The following MAST1 variants were observed in gnomAD, a reference collection of about 807,000 sequenced individuals.
The protein encoded by MAST1 is microtubule associated serine/threonine kinase 1.
In MAST1, 40 loss-of-function variants were observed where a neutral mutation model predicts 124.6. The ratio of observed to expected loss-of-function variants is 0.32; its 90% CI spans 0.25 to 0.42. The LOEUF (loss-of-function observed/expected upper bound fraction) is 0.42. Among genes scored for constraint, MAST1 ranks in the 10% least tolerant of loss-of-function variants. The pLI is 1.00. For synonymous variants in MAST1, 938 were observed against 939.4 expected, an observed-to-expected ratio of 1.00 and a Z score of 0.03; for missense variants, 1,558 against 2,181.9, an observed-to-expected ratio of 0.71 and a Z score of 5.70.
At position 12,874,674 on chromosome 19, in the gene MAST1, A is replaced by G; in HGVS notation, c.4517A>G (p.Glu1506Gly). The G allele has an allele frequency of 1.9e-6, 3 of 1,543,598 alleles. No individual in the cohort carries two copies. Among genetic ancestry groups the G allele is most frequent in the Non-Finnish European group, 2.6e-6 (3 of 1,141,098 alleles). Residue 1506 changes from glutamate to glycine, a missense_variant, in exon 26 of 26, where the codon GAG becomes GGG. Coordinates refer to ENST00000251472, the MANE Select transcript of MAST1 (RefSeq NM_014975.3). The surrounding 1 kb of genome is among the most constrained non-coding windows in gnomAD (Gnocchi z 6.6). ...CCCGCCTCCCCAAAGCTCTCCCCGGAGCCCCAGACACCCTCCCTAGCCCCA... is the reference window on the plus strand; with the variant it reads ...CCCGCCTCCCCAAAGCTCTCCCCGGGGCCCCAGACACCCTCCCTAGCCCCA... ...SKPASPKLSP[E>G]PQTPSLAPAK...
At chr19:12,862,247 C>T (rs1970093211) in intron 12 of MAST1, among the ~76,000 whole-genome samples, 1 of 152,050 alleles carries the variant, frequency 6.6e-6, no homozygotes, top group Non-Finnish European at 1.5e-5. Flanking sequence ...TTAAATGATC[C>T]ATCAGTCTCG....
chr19:12,840,841 G>T, intron 2 of MAST1, 150 bp from the exon 3 acceptor site: 1 of 768,586 alleles, frequency 1.3e-6, no homozygotes, highest in South Asian at 1.4e-5. Context: ...ACTCGGCAAC[G>T]AAAAAATTTA....
In MAST1 at chr19:12,838,593, C is replaced by T. The variant is rs1355103426; in HGVS notation, c.21C>T (p.Thr7=). Residue 7 remains threonine (T), a synonymous_variant, in exon 1 of 26, where the codon ACC becomes ACT. Transcript: ENST00000251472. The surrounding 1 kb of genome is among the most constrained non-coding windows in gnomAD (Gnocchi z 4.3). MSDSLW[T]ALSNFSMPSF... ...GGGTCATGTCTGACTCTCTCTGGAC[C>T]GCGCTTTCTAATTTCTCGATGCCCT... is the stretch of plus-strand genomic sequence containing the variant. 2 of 1,609,650 alleles carry T rather than the reference C, an allele frequency of 1.2e-6. No homozygotes were observed. Among genetic ancestry groups the T allele is most frequent in the African/African-American group, 1.3e-5 (1 of 74,324 alleles).
At chr19:12,868,244 G>T (rs148405615) in intron 20 of MAST1, among the ~76,000 whole-genome samples, 128 of 151,348 alleles carry the variant, frequency 8.5e-4, no homozygotes, top group Middle Eastern at 3.4e-3. Flanking sequence ...GAGTAGCTGG[G>T]ATTACAGGCG....
At position 12,874,904 on chromosome 19, in the gene MAST1, T is replaced by A. The variant is rs1445718509; in HGVS notation, c.*34T>A. 2 of 1,562,904 alleles carry A rather than the reference T, an allele frequency of 1.3e-6. No individual in the cohort carries two copies. Among genetic ancestry groups the A allele is most frequent in the Non-Finnish European group, 8.6e-7 (1 of 1,158,812 alleles). Reference sequence around the variant, plus strand: ...GTCATCGGCCCCGCGCTGTACAGCCTCCGTATACATATGTACACATATAAA... The same window carrying A: ...GTCATCGGCCCCGCGCTGTACAGCCACCGTATACATATGTACACATATAAA... On this transcript the variant is annotated 3_prime_UTR_variant, in exon 26 of 26. Transcript: ENST00000251472. This position sits in a 1 kb window ranked among gnomAD's most constrained non-coding sequence, Gnocchi z 6.6.
In MAST1 at chr19:12,874,440, A is replaced by G; in HGVS notation, c.4283A>G (p.Glu1428Gly). Residue 1428 changes from glutamate to glycine, a missense_variant, in exon 26 of 26, where the codon GAG becomes GGG. By Grantham distance (98) the Glu-to-Gly change is moderately conservative. This residue lies in a region of MAST1 where 263 missense variants were observed against 310.9 expected (regional missense o/e 0.85). Coordinates refer to ENST00000251472, the MANE Select transcript of MAST1 (RefSeq NM_014975.3). This position sits in a 1 kb window ranked among gnomAD's most constrained non-coding sequence, Gnocchi z 6.6. ...HETGRRSSSG[E>G]AGTPLVPIVV... ...ACAGGCCGGCGCAGCAGCTCTGGCG[A>G]GGCGGGCACACCCCTGGTACCCATT... 1 of 1,597,286 alleles carries G rather than the reference A, an allele frequency of 6.3e-7. No homozygotes were observed. The highest frequency in any genetic ancestry group is 8.5e-7 in the Non-Finnish European group (1 of 1,178,446).
In MAST1 at chr19:12,865,179, G is replaced by T. The variant is rs1467486021; in HGVS notation, c.1638+1G>T. ...CGCCCGAGAGTTCCTGGACAAACAG[G>T]TGTGTGTGCGGGCATGGGGGTCGCT... On this transcript the variant is annotated splice_donor_variant, in intron 14 of 25. Coordinates refer to ENST00000251472, the MANE Select transcript of MAST1 (RefSeq NM_014975.3). LOFTEE classifies it high-confidence loss of function. The surrounding 1 kb of genome is among the most constrained non-coding windows in gnomAD (Gnocchi z 7.1). The T allele has an allele frequency of 6.2e-7, 1 of 1,613,814 alleles. No individual in the cohort carries two copies. Among genetic ancestry groups the T allele is most frequent in the Non-Finnish European group, 8.5e-7 (1 of 1,179,826 alleles).
At chr19:12,860,509 A>G (rs906485952) in intron 12 of MAST1, among the ~76,000 whole-genome samples, 1 of 134,976 alleles carries the variant, frequency 7.4e-6, no homozygotes, top group Admixed American at 8.3e-5. Context: ...CAGTGGCGCT[A>G]TCTCGGCTCA....
Position 12,867,666 on chromosome 19 carries a change from T to A in MAST1, c.2318+14T>A. ...CTCTCCGGAGATGTGAGCAGGGGAA[T>A]GGCGGAGTTTGGGGGCGGGGTCGAA... On this transcript the variant is annotated intron_variant, in intron 19 of 25. Coordinates refer to ENST00000251472, the MANE Select transcript of MAST1 (RefSeq NM_014975.3). The A allele has an allele frequency of 6.4e-7, 1 of 1,560,276 alleles. No homozygotes were observed. Among genetic ancestry groups the A allele is most frequent in the Non-Finnish European group, 8.7e-7 (1 of 1,153,752 alleles).
chr19:12,841,959 A>C lies in MAST1; in HGVS notation c.248+893A>C, dbSNP rs1433199373. ...GTTTATCCGCAAGCGGGGAGGACTG[A>C]GCGAGGGGACTGCTGGGAGGAAGAA... On this transcript the variant is annotated intron_variant, in intron 3 of 25. Coordinates refer to ENST00000251472, the MANE Select transcript of MAST1 (RefSeq NM_014975.3). The surrounding 1 kb of genome is among the most constrained non-coding windows in gnomAD (Gnocchi z 4.3). Among the ~76,000 whole-genome samples the C allele has an allele frequency of 1.3e-5, 2 of 152,150 alleles. No individual in the cohort carries two copies. The highest frequency in any genetic ancestry group is 4.8e-5 in the African/African-American group (2 of 41,444).
chr19:12,856,826 AT>A (rs760922681), intron 10 of MAST1, among the ~76,000 whole-genome samples: 2 of 152,212 alleles, frequency 1.3e-5, no homozygotes, highest in Non-Finnish European at 2.9e-5. Context: ...GATAGTAGAT[AT>A]ACCATTTTTC....
Position 12,866,835 on chromosome 19 carries a change from G to T in MAST1, c.2139+73G>T. 1 of 1,270,850 alleles carries T rather than the reference G, an allele frequency of 7.9e-7. No homozygotes were observed. The highest frequency in any genetic ancestry group is 1.3e-5 in the South Asian group (1 of 79,060). The allele number at this position is 1,270,850 out of a possible 1,614,324, so 78.7% of individuals were successfully genotyped here. ...GGGCTTGGAGAGACAGTGAGAAACA[G>T]GTTCCCTGGTGCCCAAGGTCTCAGG... On this transcript the variant is annotated intron_variant, in intron 18 of 25. Transcript: ENST00000251472. The surrounding 1 kb of genome is among the most constrained non-coding windows in gnomAD (Gnocchi z 5.2).
At position 12,843,425 on chromosome 19, in the gene MAST1, C is replaced by T. The variant is rs1969855302; in HGVS notation, c.249-104C>T. The T allele has an allele frequency of 1.0e-5, 8 of 803,202 alleles. No individual in the cohort carries two copies. Among genetic ancestry groups the T allele is most frequent in the Non-Finnish European group, 1.7e-5 (8 of 484,788 alleles). The allele number at this position is 803,202 out of a possible 1,614,324, so 49.8% of individuals were successfully genotyped here. ...GGAATCTTAGAGTGCAGATATATTCCCCCAACCCCCACCCTGGCCCTGGCC... is the reference window on the plus strand; with the variant it reads ...GGAATCTTAGAGTGCAGATATATTCTCCCAACCCCCACCCTGGCCCTGGCC... On this transcript the variant is annotated intron_variant, in intron 3 of 25. Transcript: ENST00000251472. This position sits in a 1 kb window ranked among gnomAD's most constrained non-coding sequence, Gnocchi z 4.9.
intron 22 of MAST1, 67 bp downstream of exon 22, chr19:12,869,362 C>A: frequency 7.5e-7 from 1 of 1,340,384 alleles, no homozygotes; most frequent in Non-Finnish European, 1.0e-6. Flanking sequence ...CCCTCCAGCT[C>A]AAACCAGTTA....
intron 10 of MAST1, among the ~76,000 whole-genome samples, chr19:12,856,612 C>T (rs1249214178): frequency 1.3e-5 from 2 of 152,154 alleles, no homozygotes; most frequent in Non-Finnish European, 2.9e-5. Flanking sequence ...GCCTTTGCCA[C>T]ATTTTTTTGC....
rs774891060 is a variant in MAST1, at chr19:12,873,783, A to G, written c.3626A>G (p.His1209Arg). 1.3e-6 allele frequency: 2 copies of G among 1,598,856 alleles called. No homozygotes were observed. Among genetic ancestry groups the G allele is most frequent in the Non-Finnish European group, 1.7e-6 (2 of 1,178,704 alleles). Reference protein sequence around the residue: ...AGNIPLSPLAHTPSPTQASPP... With the variant: ...AGNIPLSPLARTPSPTQASPP... The stretch of plus-strand genomic sequence containing the variant: ...AACATCCCTCTATCGCCGCTGGCAC[A>G]CACGCCGTCCCCCACGCAGGCGTCA... Residue 1209 changes from histidine (H) to arginine (R), a missense_variant, in exon 26 of 26, where the codon CAC (histidine) becomes CGC (arginine). Transcript: ENST00000251472.
In MAST1 at chr19:12,867,584, C is replaced by G. The variant is rs761067659; in HGVS notation, c.2250C>G (p.Ala750=). The stretch of plus-strand genomic sequence containing the variant: ...CCAAGGGCCCCGAGGAGAAGGTGGC[C>G]GGCAAGCGGGAGGGGCTGGGCGGCC... ...PSTKGPEEKV[A]GKREGLGGLT... is the part of the protein sequence containing the mutation. Residue 750 remains alanine (A), a synonymous_variant, in exon 19 of 26, where the codon GCC becomes GCG. Transcript: ENST00000251472. 6.2e-7 allele frequency: 1 copy of G among 1,613,234 alleles called. No individual in the cohort carries two copies. The highest frequency in any genetic ancestry group is 1.1e-5 in the South Asian group (1 of 91,034).
intron 12 of MAST1, 74 bp downstream of exon 12, chr19:12,858,813 A>T: frequency 7.0e-7 from 1 of 1,435,336 alleles, no homozygotes; most frequent in Non-Finnish European, 9.7e-7. Flanking sequence ...GGCCTGCCTG[A>T]GCCGCAGTCT....
At position 12,847,140 on chromosome 19, in the gene MAST1, A is replaced by G; in HGVS notation, c.328-150A>G. On this transcript the variant is annotated intron_variant, in intron 4 of 25. Transcript: ENST00000251472. The surrounding 1 kb of genome is among the most constrained non-coding windows in gnomAD (Gnocchi z 5.5). ...CCACCTGTCTGTGGCCAAGAGTCCCAGCCAAGATCCTAGGATCCAAGGATC... is the reference window on the plus strand; with the variant it reads ...CCACCTGTCTGTGGCCAAGAGTCCCGGCCAAGATCCTAGGATCCAAGGATC... 1 of 623,482 alleles carries G rather than the reference A, an allele frequency of 1.6e-6. No individual in the cohort carries two copies. Among genetic ancestry groups the G allele is most frequent in the East Asian group, 2.7e-5 (1 of 36,944 alleles). The allele number at this position is 623,482 out of a possible 1,614,324, so 38.6% of individuals were successfully genotyped here.
Sources: gnomAD v4.1 joint callset for allele counts (sites outside exome capture counted in the v4.1 genomes callset) on GRCh38, gnomAD v4.1.1 for gene constraint, gnomAD v4.1.1 regional missense constraint, Gnocchi (gnomAD v3.1) non-coding constraint, MANE v1.5 for transcripts, NCBI Gene and HGNC (gene_info 2026-07-23, HGNC 2026-07-21) for gene names.